The following SORCS1 variants were observed in gnomAD, a reference collection of about 807,000 sequenced individuals.
SORCS1 encodes sortilin related VPS10 domain containing receptor 1.
Under a neutral mutation model 146.1 loss-of-function variants are expected in SORCS1, and 60 were observed. The ratio of observed to expected loss-of-function variants is 0.41; its 90% CI spans 0.33 to 0.51. The LOEUF is 0.51. SORCS1 is among the 20% of genes least tolerant of loss of function. SORCS1 has a pLI of 0.21. For missense variants in SORCS1, 1,352 were observed against 1,487.6 expected (o/e 0.91, Z 1.50); for synonymous variants, 637 against 584.0 (o/e 1.09, Z -1.31).
intron 3 of SORCS1, among the ~76,000 whole-genome samples, chr10:106,799,589 T>C (rs1255853293): frequency 2.0e-5 from 3 of 152,052 alleles, no homozygotes; most frequent in African/African-American, 7.3e-5. Context: ...CAGACAATTC[T>C]CAAAAAAAGA....
intron 1 of SORCS1, among the ~76,000 whole-genome samples, chr10:107,122,234 TC>T (rs1296301661): frequency 6.6e-6 from 1 of 152,242 alleles, no homozygotes; most frequent in Non-Finnish European, 1.5e-5. Context: ...GGCCTGCCAT[TC>T]CTGACCTTGG....
intron 3 of SORCS1, among the ~76,000 whole-genome samples, chr10:106,826,194 T>C (rs777704158): frequency 1.3e-5 from 2 of 152,230 alleles, no homozygotes; most frequent in Non-Finnish European, 2.9e-5. Flanking sequence ...TAAAAATAGC[T>C]ATAAGAATGT....
chr10:106,652,230 TAAAA>T, intron 18 of SORCS1, 148 bp downstream of exon 18: 1 of 714,922 alleles, frequency 1.4e-6, no homozygotes, highest in Non-Finnish European at 2.1e-6. Context: ...GAAGTGATAA[TAAAA>T]GAAAAACAAG....
intron 2 of SORCS1, among the ~76,000 whole-genome samples, chr10:106,867,279 TA>T (rs1950254874): frequency 6.6e-6 from 1 of 151,272 alleles, no homozygotes; most frequent in African/African-American, 2.4e-5. Flanking sequence ...ATTGGAAGCT[TA>T]TATTAAATTT....
At chr10:107,158,275 T>A (rs1045172740) in intron 1 of SORCS1, among the ~76,000 whole-genome samples, 1 of 152,234 alleles carries the variant, frequency 6.6e-6, no homozygotes, top group Non-Finnish European at 1.5e-5. Flanking sequence ...TTGATGTGTA[T>A]ATTTTTTGCT....
chr10:106,877,812 G>A (rs1330355110), intron 2 of SORCS1, among the ~76,000 whole-genome samples: 1 of 152,140 alleles, frequency 6.6e-6, no homozygotes, highest in African/African-American at 2.4e-5. Context: ...GAGAGGCAAT[G>A]GGAGGAGACA....
chr10:106,664,467 C>G (rs1047411555), intron 17 of SORCS1, among the ~76,000 whole-genome samples: 1 of 152,006 alleles, frequency 6.6e-6, no homozygotes, highest in Non-Finnish European at 1.5e-5. Context: ...ATGGTGAAAC[C>G]CCATCTCTAG....
At chr10:106,965,453 T>C (rs1163760602) in intron 1 of SORCS1, among the ~76,000 whole-genome samples, 1 of 152,156 alleles carries the variant, frequency 6.6e-6, no homozygotes, top group Non-Finnish European at 1.5e-5. Context: ...GAGTGGGGAA[T>C]GGCTGCTGAG....
chr10:106,937,107 T>G (rs1953759941), intron 2 of SORCS1, among the ~76,000 whole-genome samples: 1 of 152,140 alleles, frequency 6.6e-6, no homozygotes, highest in Non-Finnish European at 1.5e-5. Flanking sequence ...GGGAGGTAAC[T>G]GAATCATGGG....
chr10:107,075,188 G>T (rs1277800172), intron 1 of SORCS1, among the ~76,000 whole-genome samples: 1 of 152,076 alleles, frequency 6.6e-6, no homozygotes, highest in Non-Finnish European at 1.5e-5. Context: ...TGTTAAAATC[G>T]AGAACTTGAG....
the SORCS1 span, among the ~76,000 whole-genome samples, chr10:107,173,455 A>G: frequency 3.3e-5 from 5 of 152,172 alleles, no homozygotes; most frequent in Non-Finnish European, 5.9e-5. Context: ...GCTTGACTTT[A>G]GTAAAGATTT....
intron 17 of SORCS1, among the ~76,000 whole-genome samples, chr10:106,666,808 C>T (rs558396314): frequency 1.3e-4 from 19 of 151,852 alleles, no homozygotes; most frequent in African/African-American, 3.9e-4. Context: ...TCAAGTGATC[C>T]GCCCACCTTA....
chr10:106,966,435 G>C (rs114199073), intron 1 of SORCS1, among the ~76,000 whole-genome samples: 4,725 of 152,256 alleles, frequency 0.031, 196 homozygotes, highest in African/African-American at 0.095. Context: ...CCTCTGAAAA[G>C]TATTTAATCC....
intron 1 of SORCS1, among the ~76,000 whole-genome samples, chr10:106,979,326 G>A (rs1028983327): frequency 2.6e-5 from 4 of 152,062 alleles, no homozygotes; most frequent in Non-Finnish European, 4.4e-5. Context: ...TATGCATGTG[G>A]AACCCAGAGT....
chr10:106,749,563 T>C (rs1857994305), intron 5 of SORCS1, among the ~76,000 whole-genome samples: 2 of 152,220 alleles, frequency 1.3e-5, no homozygotes, highest in South Asian at 4.1e-4. Context: ...AGTTGAATAA[T>C]ATAAAATTGA....
At chr10:106,861,907 C>T (rs7087219) in intron 2 of SORCS1, among the ~76,000 whole-genome samples, 70,151 of 151,976 alleles carry the variant, frequency 0.46, 16,453 homozygotes, top group African/African-American at 0.54. Flanking sequence ...TGTAAGCTGT[C>T]CTCTAGGTGT....
chr10:107,048,952 G>A (rs1316712749), intron 1 of SORCS1, among the ~76,000 whole-genome samples: 2 of 152,126 alleles, frequency 1.3e-5, no homozygotes, highest in Non-Finnish European at 2.9e-5. Context: ...AAAAGAGAGT[G>A]TCTGAGAGAG....
At position 107,003,143 on chromosome 10, in the gene SORCS1, T is replaced by C. The variant is rs368167063; in HGVS notation, c.559-46563A>G. Among the ~76,000 whole-genome samples, 10 of 152,096 alleles carry C rather than the reference T, an allele frequency of 6.6e-5. No individual in the cohort carries two copies. In the East Asian group the frequency reaches 1.9e-3, roughly 29 times the overall value. Reference sequence around the variant, plus strand: ...GGTGGTGGGTGCCTGTAATCCCCGCTACTTGGGAGGCTGTGGCAGGAGAAT... The same window carrying C: ...GGTGGTGGGTGCCTGTAATCCCCGCCACTTGGGAGGCTGTGGCAGGAGAAT... On this transcript the variant is annotated intron_variant, in intron 1 of 25. Coordinates refer to ENST00000263054, the MANE Select transcript of SORCS1 (RefSeq NM_052918.5).
At chr10:106,906,234 C>T (rs770172352) in intron 2 of SORCS1, among the ~76,000 whole-genome samples, 1 of 152,212 alleles carries the variant, frequency 6.6e-6, no homozygotes, top group East Asian at 1.9e-4. Context: ...CCTGCCTCAG[C>T]CTCCCAAATA....
Sources: gnomAD v4.1 joint callset for allele counts (sites outside exome capture counted in the v4.1 genomes callset) on GRCh38, gnomAD v4.1.1 for gene constraint, MANE v1.5 for transcripts, NCBI Gene and HGNC (gene_info 2026-07-23, HGNC 2026-07-21) for gene names.